OR14I1: variants seen among roughly 807,000 people sequenced by gnomAD.
OR14I1 encodes the protein olfactory receptor 14I1.
For synonymous variants in OR14I1, 118 were observed against 71.1 expected (o/e 1.66, Z -3.32); for missense variants, 279 against 181.8 (o/e 1.53, Z -3.07).
At chr1:248,692,012 G>T in the OR14I1 span, 1 of 152,406 alleles carries the variant, frequency 6.6e-6, no homozygotes, top group African/African-American at 2.4e-5. Flanking sequence ...GCTGTGAGGG[G>T]CGCTCGCCCA....
upstream of OR14I1, among the ~76,000 whole-genome samples, chr1:248,687,121 A>C (rs1362149771): frequency 6.6e-6 from 1 of 152,194 alleles, no homozygotes; most frequent in Non-Finnish European, 1.5e-5. Flanking sequence ...GTCCGTGAGG[A>C]AGTGATGAGC....
upstream of OR14I1, among the ~76,000 whole-genome samples, chr1:248,683,492 G>T (rs1194948369): frequency 6.6e-6 from 1 of 152,128 alleles, no homozygotes; most frequent in Non-Finnish European, 1.5e-5. Flanking sequence ...TTTCATTAAT[G>T]ATAAACTCTA....
chr1:248,701,365 G>A, the OR14I1 span, among the ~76,000 whole-genome samples: 1 of 148,512 alleles, frequency 6.7e-6, no homozygotes, highest in Admixed American at 6.6e-5. Flanking sequence ...TGTTGGCCAT[G>A]CTGGTCTCAA....
chr1:248,696,738 C>G, the OR14I1 span, among the ~76,000 whole-genome samples: 1 of 152,332 alleles, frequency 6.6e-6, no homozygotes, highest in South Asian at 2.1e-4. Context: ...ACATCCTGTC[C>G]TGTTTTGTCT....
chr1:248,691,222 A>C, the OR14I1 span, among the ~76,000 whole-genome samples: 10 of 152,340 alleles, frequency 6.6e-5, no homozygotes, highest in African/African-American at 2.4e-4. Flanking sequence ...GGGACCCTTC[A>C]TTCATTCAAC....
the OR14I1 span, among the ~76,000 whole-genome samples, chr1:248,693,177 C>T: frequency 1.3e-5 from 2 of 152,122 alleles, no homozygotes; most frequent in Non-Finnish European, 2.9e-5. Context: ...GCATCACCTC[C>T]CAAGCCAGCC....
rs143401731 is a variant in OR14I1 at position 248,682,063 on chromosome 1, C to T, written c.242G>A (p.Arg81His). Residue 81 changes from arginine to histidine, a missense_variant, in exon 1 of 1, where the codon CGT becomes CAT. By Grantham distance (29) the Arg-to-His change is conservative. Transcript: ENST00000342623. ...GGAGCTTCTGCGAGTCAGGGAGTTA[C>T]GGATGGATTTAGGCACAGTGACTGA... is the stretch of plus-strand genomic sequence containing the variant. 551 of 781,022 alleles carry T rather than the reference C, an allele frequency of 7.1e-4. 9 individuals are homozygous for T. Among genetic ancestry groups the T allele is most frequent in the South Asian group, 6.5e-3 (488 of 74,606 alleles). 48.4% of individuals were successfully genotyped at this position (781,022 alleles called of 1,614,324 possible).
chr1:248,695,482 G>A, the OR14I1 span, among the ~76,000 whole-genome samples: 2 of 151,962 alleles, frequency 1.3e-5, no homozygotes, highest in Admixed American at 6.6e-5. Flanking sequence ...ATCCACCTGC[G>A]TCTGCCTCCC....
At chr1:248,702,300 A>G in the OR14I1 span, among the ~76,000 whole-genome samples, 1 of 152,180 alleles carries the variant, frequency 6.6e-6, no homozygotes. Flanking sequence ...ACAATTAGTT[A>G]CTTCCAAGAT....
the OR14I1 span, among the ~76,000 whole-genome samples, chr1:248,698,592 T>A: frequency 4.6e-5 from 7 of 152,228 alleles, no homozygotes; most frequent in African/African-American, 1.7e-4. Flanking sequence ...CAAGTGGTAA[T>A]GTAAGTTGGA....
chr1:248,696,801 T>C, the OR14I1 span, among the ~76,000 whole-genome samples: 1 of 152,190 alleles, frequency 6.6e-6, no homozygotes, highest in Non-Finnish European at 1.5e-5. Flanking sequence ...TCTTCTTTGT[T>C]TTTTTCTGCT....
the OR14I1 span, among the ~76,000 whole-genome samples, chr1:248,687,541 T>G: frequency 6.6e-6 from 1 of 152,148 alleles, no homozygotes; most frequent in Admixed American, 6.5e-5. Flanking sequence ...TGGCAGAAAT[T>G]TAGGAGATAT....
At chr1:248,684,681 C>T (rs1406005128), upstream of OR14I1, among the ~76,000 whole-genome samples, 1 of 151,940 alleles carries the variant, frequency 6.6e-6, no homozygotes, top group Non-Finnish European at 1.5e-5. Flanking sequence ...CAAACTATTA[C>T]ACAAAATATG....
chr1:248,690,463 A>G, the OR14I1 span, among the ~76,000 whole-genome samples: 6 of 152,210 alleles, frequency 3.9e-5, no homozygotes, highest in South Asian at 1.0e-3. Flanking sequence ...CTATGAAAAT[A>G]AACTAGAAAA....
the OR14I1 span, among the ~76,000 whole-genome samples, chr1:248,693,459 C>G: frequency 6.6e-6 from 1 of 152,110 alleles, no homozygotes; most frequent in African/African-American, 2.4e-5. Context: ...AAAATAGTTA[C>G]CACTTAGTAA....
the OR14I1 span, chr1:248,697,218 A>G: frequency 7.2e-5 from 11 of 152,184 alleles, no homozygotes; most frequent in African/African-American, 2.7e-4. Context: ...GTACTTTTCT[A>G]GGATGTACTG....
At chr1:248,700,521 C>A in the OR14I1 span, among the ~76,000 whole-genome samples, 1 of 152,202 alleles carries the variant, frequency 6.6e-6, no homozygotes, top group East Asian at 1.9e-4. Flanking sequence ...AAATCAAACT[C>A]ATGGCATAAA....
chr1:248,696,458 A>G, the OR14I1 span, among the ~76,000 whole-genome samples: 3 of 152,162 alleles, frequency 2.0e-5, no homozygotes, highest in African/African-American at 7.2e-5. Flanking sequence ...GAACACTTGA[A>G]TGGAAGCGGG....
chr1:248,693,781 A>G, the OR14I1 span, among the ~76,000 whole-genome samples: 1 of 95,080 alleles, frequency 1.1e-5, no homozygotes, highest in Admixed American at 9.3e-5. Context: ...AAGCTCATTT[A>G]AAAAAAAAAA....
Sources: gnomAD v4.1 joint callset for allele counts (sites outside exome capture counted in the v4.1 genomes callset) on GRCh38, gnomAD v4.1.1 for gene constraint, MANE v1.5 for transcripts, NCBI Gene and HGNC (gene_info 2026-07-23, HGNC 2026-07-21) for gene names.